Variants in ADAMTS19 observed in about 807,000 individuals in gnomAD.
The protein encoded by ADAMTS19 is ADAM metallopeptidase with thrombospondin type 1 motif 19.
ADAMTS19 carries 93 observed loss-of-function variants against 153.3 expected under a neutral mutation model. The observed-to-expected ratio is 0.61, with a 90% CI of 0.51 to 0.72. The LOEUF is 0.72. ADAMTS19 is among the 30% of genes least tolerant of loss of function. The probability of loss-of-function intolerance (pLI) is 0.00; values close to 1 mark genes in which losing one functional copy is unlikely to be tolerated. For missense variants in ADAMTS19, 1,482 were observed against 1,552.1 expected (o/e 0.95, Z 0.76); for synonymous variants, 600 against 556.6 (o/e 1.08, Z -1.10).
intron 8 of ADAMTS19, among the ~76,000 whole-genome samples, chr5:129,614,294 C>T (rs1282705156): frequency 6.6e-6 from 1 of 152,126 alleles, no homozygotes; most frequent in Non-Finnish European, 1.5e-5. Flanking sequence ...CAATAAAATA[C>T]TGGCAAACTG....
chr5:129,474,199 T>A (rs1327022150), intron 2 of ADAMTS19, among the ~76,000 whole-genome samples: 2 of 152,312 alleles, frequency 1.3e-5, no homozygotes, highest in East Asian at 3.9e-4. Flanking sequence ...ATGATGTTTT[T>A]GAGGTTCATC....
chr5:129,652,702 T>C (rs1467746869), intron 13 of ADAMTS19, among the ~76,000 whole-genome samples: 2 of 152,196 alleles, frequency 1.3e-5, no homozygotes, highest in East Asian at 3.8e-4. Context: ...AAAAAGATTT[T>C]TATCTGAATT....
At chr5:129,577,667 AC>A (rs1749214051) in intron 7 of ADAMTS19, among the ~76,000 whole-genome samples, 1 of 152,138 alleles carries the variant, frequency 6.6e-6, no homozygotes, top group Admixed American at 6.6e-5. Context: ...TTGAGAAATG[AC>A]CAAGAGAAAG....
At chr5:129,548,683 C>T (rs565446814) in intron 6 of ADAMTS19, among the ~76,000 whole-genome samples, 5 of 151,988 alleles carry the variant, frequency 3.3e-5, no homozygotes, top group Admixed American at 1.3e-4. Context: ...TGGGTATATA[C>T]CCAAAAGATT....
chr5:129,484,695 A>G (rs767938916), intron 2 of ADAMTS19, among the ~76,000 whole-genome samples: 4 of 151,930 alleles, frequency 2.6e-5, no homozygotes, highest in Non-Finnish European at 5.9e-5. Context: ...TTGGGATTAT[A>G]AGCAATATAA....
In ADAMTS19 at chr5:129,465,987, G is replaced by A. The variant is rs144222727; in HGVS notation, c.747+4230G>A. 2.0e-3 allele frequency among the ~76,000 whole-genome samples: 297 copies of A among 152,284 alleles called. 2 individuals are homozygous for A. The highest frequency in any genetic ancestry group is 6.9e-3 in the African/African-American group (287 of 41,556). ...TTGCAGGAGCCATGCCAGAAGTGCC[G>A]CTGTACATGCAGGGAAAGGCAATGC... is the stretch of plus-strand genomic sequence containing the variant. On this transcript the variant is annotated intron_variant, in intron 2 of 22. Coordinates refer to ENST00000274487, the MANE Select transcript of ADAMTS19 (RefSeq NM_133638.6).
intron 18 of ADAMTS19, among the ~76,000 whole-genome samples, chr5:129,692,814 A>G (rs765699853): frequency 3.3e-5 from 5 of 152,092 alleles, no homozygotes; most frequent in African/African-American, 4.8e-5. Flanking sequence ...GGCCCTCCCC[A>G]TTGCTGGCCC....
At chr5:129,629,721 G>A (rs980312768) in intron 10 of ADAMTS19, among the ~76,000 whole-genome samples, 2 of 152,078 alleles carry the variant, frequency 1.3e-5, no homozygotes, top group Admixed American at 1.3e-4. Context: ...ATTAATGGCT[G>A]ACTTCTTGGA....
In ADAMTS19 at chr5:129,610,093, T is replaced by TTATA. The variant is rs10618467; in HGVS notation, c.1479-10507_1479-10504dup. Among the ~76,000 whole-genome samples, 673 of 150,226 alleles carry TTATA rather than the reference T, an allele frequency of 4.5e-3. 7 individuals are homozygous for TTATA. Among genetic ancestry groups the TTATA allele is most frequent in the African/African-American group, 0.015 (622 of 40,810 alleles). On this transcript the variant is annotated intron_variant, in intron 8 of 22. Coordinates refer to ENST00000274487, the MANE Select transcript of ADAMTS19 (RefSeq NM_133638.6). ...AATGCTTACATTCTAGGTAGTGGTA[T>TTATA]TATATATATATATATATATATTATT...
chr5:129,561,256 C>T (rs1428732583), intron 7 of ADAMTS19, among the ~76,000 whole-genome samples: 2 of 152,128 alleles, frequency 1.3e-5, no homozygotes, highest in Non-Finnish European at 2.9e-5. Flanking sequence ...TAAGATGTTT[C>T]TGTATGTTAT....
intron 21 of ADAMTS19, among the ~76,000 whole-genome samples, chr5:129,723,172 G>A (rs1248770452): frequency 6.6e-6 from 1 of 152,048 alleles, no homozygotes; most frequent in Non-Finnish European, 1.5e-5. Flanking sequence ...ATCATCCATG[G>A]TCATTTGTAG....
intron 7 of ADAMTS19, among the ~76,000 whole-genome samples, chr5:129,568,158 G>A (rs1753778479): frequency 6.6e-6 from 1 of 152,120 alleles, no homozygotes; most frequent in Non-Finnish European, 1.5e-5. Context: ...CTAACAGAAG[G>A]GAAATGATAC....
chr5:129,599,955 T>C (rs977022236), intron 8 of ADAMTS19, among the ~76,000 whole-genome samples: 3 of 152,150 alleles, frequency 2.0e-5, no homozygotes, highest in Non-Finnish European at 4.4e-5. Context: ...GCTGGTGTTT[T>C]CCTGATGCTA....
intron 21 of ADAMTS19, among the ~76,000 whole-genome samples, chr5:129,723,295 A>G (rs899764720): frequency 1.3e-5 from 2 of 152,192 alleles, no homozygotes; most frequent in Non-Finnish European, 2.9e-5. Context: ...TTTAGATTAA[A>G]TTATTTTCAG....
At chr5:129,526,796 G>GTATT (rs146546228) in intron 4 of ADAMTS19, among the ~76,000 whole-genome samples, 10 of 151,226 alleles carry the variant, frequency 6.6e-5, no homozygotes, top group East Asian at 1.9e-4. Context: ...ATGTATGCAT[G>GTATT]TATTTATTTA....
At chr5:129,603,164 G>A (rs1199578702) in intron 8 of ADAMTS19, among the ~76,000 whole-genome samples, 1 of 152,148 alleles carries the variant, frequency 6.6e-6, no homozygotes, top group Non-Finnish European at 1.5e-5. Context: ...AAATGGCAGC[G>A]AGTGCACAGA....
chr5:129,658,510 T>C, intron 14 of ADAMTS19, 107 bp from the exon 15 acceptor site: 1 of 1,115,020 alleles, frequency 9.0e-7, no homozygotes, highest in East Asian at 2.5e-5. Flanking sequence ...TCATAAGTTT[T>C]ACAATTAAAT....
chr5:129,510,991 A>G (rs1475136106), intron 3 of ADAMTS19, among the ~76,000 whole-genome samples: 1 of 151,642 alleles, frequency 6.6e-6, no homozygotes, highest in Non-Finnish European at 1.5e-5. Flanking sequence ...CTATTTTCAG[A>G]TGCTTTTTGA....
intron 8 of ADAMTS19, among the ~76,000 whole-genome samples, chr5:129,602,948 G>A (rs1285620483): frequency 1.3e-5 from 2 of 151,472 alleles, no homozygotes; most frequent in African/African-American, 4.9e-5. Flanking sequence ...TGCATTAACT[G>A]CTCAGTAAAT....
Sources: allele counts gnomAD v4.1 joint callset (sites outside exome capture counted in the v4.1 genomes callset), GRCh38; gene constraint gnomAD v4.1.1; transcripts MANE v1.5; gene names NCBI Gene and HGNC (gene_info 2026-07-23, HGNC 2026-07-21).